The following TEF variants were observed in gnomAD, a reference collection of about 807,000 sequenced individuals.
The protein encoded by TEF is TEF transcription factor, PAR bZIP family member.
In TEF, 3 loss-of-function variants were observed where a neutral mutation model predicts 20.8. The observed-to-expected ratio is 0.14, with a 90% CI of 0.07 to 0.37. The LOEUF (loss-of-function observed/expected upper bound fraction) is 0.37, where lower values mean the gene tolerates loss of function less well. Ranked by LOEUF, TEF falls within the 10% of genes least tolerant of loss-of-function variation. The probability of loss-of-function intolerance (pLI) is 1.00; values close to 1 mark genes in which losing one functional copy is unlikely to be tolerated. For synonymous variants in TEF, 180 were observed against 171.1 expected, an observed-to-expected ratio of 1.05 and a Z score of -0.41; for missense variants, 296 against 397.9, an observed-to-expected ratio of 0.74 and a Z score of 2.18.
chr22:41,380,827 A>G (rs2037007954), upstream of TEF, among the ~76,000 whole-genome samples: 1 of 152,194 alleles, frequency 6.6e-6, no homozygotes, highest in African/African-American at 2.4e-5. Context: ...GTTCTCCCAC[A>G]AAACGTGGCA....
At chr22:41,387,764 T>C in intron 2 of TEF, 96 bp downstream of exon 2, 1 of 1,272,524 alleles carries the variant, frequency 7.9e-7, no homozygotes, top group Non-Finnish European at 1.1e-6. Context: ...AGTGAGTCCC[T>C]TCTCTGAGGG....
At chr22:41,370,171 G>A in intron 1 of TEF, 5 of 892,166 alleles carry the variant, frequency 5.6e-6, no homozygotes, top group Non-Finnish European at 6.7e-6. Context: ...CTGGAGTGCA[G>A]TGGTGCTATC....
At chr22:41,393,995 G>T in intron 2 of TEF, 101 bp from the exon 3 acceptor site, 1 of 1,096,132 alleles carries the variant, frequency 9.1e-7, no homozygotes. Context: ...GGCGGCAGTG[G>T]CTTATGCAGC....
In TEF at chr22:41,385,384, A is replaced by G. The variant is rs187205403; in HGVS notation, c.158-1967A>G. On this transcript the variant is annotated intron_variant, in intron 1 of 3. Coordinates refer to ENST00000266304, the MANE Select transcript of TEF (RefSeq NM_003216.4). ...TCATAAAAAAAAAAAAGTTATTTCT[A>G]ATCTTCACCAAAGAAACATCTTTAT... Among the ~76,000 whole-genome samples the G allele has an allele frequency of 1.7e-4, 26 of 152,236 alleles. No individual in the cohort carries two copies. The East Asian group carries it at 5.0e-3, about 29-fold the overall frequency.
At chr22:41,377,613 AGAG>A (rs2036959596), upstream of TEF, among the ~76,000 whole-genome samples, 1 of 152,222 alleles carries the variant, frequency 6.6e-6, no homozygotes, top group African/African-American at 2.4e-5. Context: ...TGGAGAATGA[AGAG>A]GAGAACATAA....
At chr22:41,391,399 CGCT>C in intron 2 of TEF, among the ~76,000 whole-genome samples, 1 of 151,406 alleles carries the variant, frequency 6.6e-6, no homozygotes, top group Admixed American at 6.6e-5. Flanking sequence ...GATCTCAGCT[CGCT>C]GCGACCTCTG....
At position 41,396,056 on chromosome 22, in the gene TEF, G is replaced by C. The variant is rs565496682; in HGVS notation, c.*96G>C. 3 of 1,355,532 alleles carry C rather than the reference G, an allele frequency of 2.2e-6. No homozygotes were observed. The highest frequency in any genetic ancestry group is 2.3e-5 in the Admixed American group (1 of 44,002). The allele number at this position is 1,355,532 out of a possible 1,614,324, so 84.0% of individuals were successfully genotyped here. A position where few individuals can be genotyped will look rare whatever the true frequency, so the allele number is the denominator to read the frequency against. On this transcript the variant is annotated 3_prime_UTR_variant, in exon 4 of 4. Transcript: ENST00000266304. ...TCACACGCGTGGAGACTTATGACTC[G>C]TCGTGGGCGCATGGCGGCGCACCTG...
chr22:41,384,654 C>G (rs955676716), intron 1 of TEF, among the ~76,000 whole-genome samples: 1 of 152,204 alleles, frequency 6.6e-6, no homozygotes, highest in Non-Finnish European at 1.5e-5. Context: ...TCTGCCTACC[C>G]CTTGTTGGGC....
At chr22:41,391,413 C>T (rs1176962635) in intron 2 of TEF, among the ~76,000 whole-genome samples, 2 of 151,642 alleles carry the variant, frequency 1.3e-5, no homozygotes, top group African/African-American at 4.8e-5. Context: ...GCGACCTCTG[C>T]CTCCCGGGTT....
chr22:41,382,935 GCTT>G (rs766986115), intron 1 of TEF: 13 of 470,976 alleles, frequency 2.8e-5, no homozygotes, highest in Non-Finnish European at 4.4e-6. Context: ...GCAGGACTGA[GCTT>G]CATCTTTTTG....
In TEF at chr22:41,382,044, G is replaced by T. The variant is rs2037033559; in HGVS notation, c.-1G>T. On this transcript the variant is annotated 5_prime_UTR_variant, in exon 1 of 4. Coordinates refer to ENST00000266304, the MANE Select transcript of TEF (RefSeq NM_003216.4). ...GGTGCGCGAGCCGAGTCCGGGGCAC[G>T]ATGTCCGACGCGGGCGGCGGAAAGA... 1.8e-5 allele frequency: 22 copies of T among 1,230,916 alleles called. No homozygotes were observed. The highest frequency in any genetic ancestry group is 4.2e-5 in the Admixed American group (1 of 23,688). The allele number at this position is 1,230,916 out of a possible 1,614,324, so 76.2% of individuals were successfully genotyped here. A position where few individuals can be genotyped will look rare whatever the true frequency, so the allele number is the denominator to read the frequency against.
chr22:41,368,191 G>A (rs912317211), intron 1 of TEF, among the ~76,000 whole-genome samples: 5 of 152,142 alleles, frequency 3.3e-5, no homozygotes, highest in African/African-American at 4.8e-5. Context: ...CTGGTGGCCA[G>A]CACCAGGTGT....
intron 1 of TEF, chr22:41,382,905 T>C (rs1569255191): frequency 4.2e-6 from 2 of 470,946 alleles, no homozygotes; most frequent in South Asian, 1.5e-5. Flanking sequence ...GGCTGACCCT[T>C]AGATTCTGGG....
Position 41,390,849 on chromosome 22 carries a change from C to A in TEF, c.475+3181C>A, listed in dbSNP as rs182785262. Among the ~76,000 whole-genome samples the A allele has an allele frequency of 2.3e-3, 344 of 152,228 alleles. 1 individual carries two copies. Among genetic ancestry groups the A allele is most frequent in the Non-Finnish European group, 3.6e-3 (246 of 68,016 alleles). On this transcript the variant is annotated intron_variant, in intron 2 of 3. Transcript: ENST00000266304. ...AGGTATCCATGGGGAAATGAGAATTCCTCAAAATCTTGTCCCCAGGCCTCT... is the reference window on the plus strand; with the variant it reads ...AGGTATCCATGGGGAAATGAGAATTACTCAAAATCTTGTCCCCAGGCCTCT...
At chr22:41,374,323 A>G (rs2036915013) in intron 1 of TEF, among the ~76,000 whole-genome samples, 2 of 151,924 alleles carry the variant, frequency 1.3e-5, no homozygotes, top group African/African-American at 4.8e-5. Flanking sequence ...GGCCGAGGCA[A>G]GTGGATCACA....
At chr22:41,375,998 C>CG (rs1374353664) in intron 1 of TEF, among the ~76,000 whole-genome samples, 1 of 152,162 alleles carries the variant, frequency 6.6e-6, no homozygotes, top group Non-Finnish European at 1.5e-5. Flanking sequence ...TGCTCTCACA[C>CG]GTCCCAGGCC....
chr22:41,382,970 G>A (rs1355051169), intron 1 of TEF: 1 of 471,116 alleles, frequency 2.1e-6, no homozygotes, highest in African/African-American at 2.0e-5. Context: ...AACGTCACTG[G>A]GGCGTATACG....
At position 41,397,135 on chromosome 22, in the gene TEF, G is replaced by T; in HGVS notation, c.*1175G>T. ...AGACACCTAGTCTAGAGTCACCAAG[G>T]TCACAGTGCCACTTTCACGGGATAG... On this transcript the variant is annotated 3_prime_UTR_variant, in exon 4 of 4. Coordinates refer to ENST00000266304, the MANE Select transcript of TEF (RefSeq NM_003216.4). The T allele has an allele frequency of 2.5e-6, 1 of 398,702 alleles. No homozygotes were observed. The highest frequency in any genetic ancestry group is 4.4e-6 in the Non-Finnish European group (1 of 226,132). The allele number at this position is 398,702 out of a possible 1,614,324, so 24.7% of individuals were successfully genotyped here.
intron 1 of TEF, among the ~76,000 whole-genome samples, chr22:41,371,223 T>G (rs1601809557): frequency 6.6e-6 from 1 of 152,234 alleles, no homozygotes; most frequent in Admixed American, 6.5e-5. Context: ...CATGGGGCCC[T>G]GGCCATGCTT....
Sources: gnomAD v4.1 joint callset for allele counts (sites outside exome capture counted in the v4.1 genomes callset) on GRCh38, gnomAD v4.1.1 for gene constraint, MANE v1.5 for transcripts, NCBI Gene and HGNC (gene_info 2026-07-23, HGNC 2026-07-21) for gene names.